Variants in TRNAU1AP observed in about 807,000 individuals in gnomAD.
TRNAU1AP encodes tRNA selenocysteine 1-associated protein 1.
In TRNAU1AP, 33 loss-of-function variants were observed where a neutral mutation model predicts 43.3. The observed-to-expected ratio is 0.76, with a 90% CI of 0.58 to 1.02. The LOEUF is 1.02. TRNAU1AP is among the 50% of genes least tolerant of loss of function. The probability of loss-of-function intolerance (pLI) is 0.00; values close to 1 mark genes in which losing one functional copy is unlikely to be tolerated. For synonymous variants in TRNAU1AP, 143 were observed against 129.1 expected, an observed-to-expected ratio of 1.11 and a Z score of -0.73; for missense variants, 290 against 362.7, an observed-to-expected ratio of 0.80 and a Z score of 1.63.
chr1:28,564,114 A>G (rs563326473), intron 4 of TRNAU1AP, among the ~76,000 whole-genome samples: 6 of 152,136 alleles, frequency 3.9e-5, no homozygotes, highest in African/African-American at 1.4e-4. Flanking sequence ...AAAATACAAA[A>G]GATTAGCTGG....
chr1:28,566,558 C>A (rs1665543487), intron 5 of TRNAU1AP, among the ~76,000 whole-genome samples: 1 of 151,876 alleles, frequency 6.6e-6, no homozygotes, highest in Admixed American at 6.6e-5. Context: ...CGAGACCATC[C>A]TGGCTAACAC....
At chr1:28,553,238 G>A (rs1665174964) in intron 1 of TRNAU1AP, 101 bp downstream of exon 1, 1 of 1,281,022 alleles carries the variant, frequency 7.8e-7, no homozygotes, top group South Asian at 1.6e-5. Context: ...TCCCAGAAAG[G>A]GGAGACGTGT....
At chr1:28,561,297 T>C in intron 3 of TRNAU1AP, 49 bp from the exon 4 acceptor site, 2 of 1,612,086 alleles carry the variant, frequency 1.2e-6, no homozygotes, top group Non-Finnish European at 1.7e-6. Context: ...ATTGTTCAAC[T>C]CTTGAAACAC....
intron 6 of TRNAU1AP, among the ~76,000 whole-genome samples, chr1:28,570,403 A>C (rs1665639372): frequency 6.6e-6 from 1 of 151,678 alleles, no homozygotes; most frequent in South Asian, 2.1e-4. Context: ...GCGCCATCCC[A>C]CCCAGCTAAT....
chr1:28,570,808 G>A (rs1004428502), intron 6 of TRNAU1AP, among the ~76,000 whole-genome samples: 6 of 152,076 alleles, frequency 3.9e-5, no homozygotes, highest in African/African-American at 9.7e-5. Context: ...ATTGGTGGCC[G>A]GGCTCCCAGC....
Position 28,563,890 on chromosome 1 carries a change from C to T in TRNAU1AP, c.279-813C>T, listed in dbSNP as rs564063631. Among the ~76,000 whole-genome samples, 10 of 151,846 alleles carry T rather than the reference C, an allele frequency of 6.6e-5. No individual in the cohort carries two copies. In the South Asian group the frequency reaches 8.3e-4, roughly 13 times the overall value. On this transcript the variant is annotated intron_variant, in intron 4 of 8. Transcript: ENST00000373830. ...AAAAAATAACAAAGGTTTGTGTGTT[C>T]GTTTATTTTTTTAATAGAATTGACC...
intron 5 of TRNAU1AP, among the ~76,000 whole-genome samples, chr1:28,566,302 G>A (rs1178683804): frequency 7.0e-5 from 10 of 142,310 alleles, no homozygotes; most frequent in African/African-American, 2.4e-4. Context: ...GAGACACAGC[G>A]AGACTCCATC....
Position 28,578,523 on chromosome 1 carries a change from A to G in TRNAU1AP, c.*887A>G, listed in dbSNP as rs1665870934. 3.1e-5 allele frequency: 10 copies of G among 320,878 alleles called. No individual in the cohort carries two copies. The Admixed American group carries it at 4.7e-4, about 15-fold the overall frequency. 19.9% of individuals were successfully genotyped at this position (320,878 alleles called of 1,614,324 possible). ...AGACCAGTTCGGTCTCTACAAAAAA[A>G]TACAAACACAAATATACTTTTATTA... On this transcript the variant is annotated 3_prime_UTR_variant, in exon 9 of 9. Coordinates refer to ENST00000373830, the MANE Select transcript of TRNAU1AP (RefSeq NM_017846.5).
At position 28,577,508 on chromosome 1, in the gene TRNAU1AP, C is replaced by CCA; in HGVS notation, c.739_740dup (p.Gln247HisfsTer5). 6.2e-7 allele frequency: 1 copy of CCA among 1,613,912 alleles called. No homozygotes were observed. Among genetic ancestry groups the CCA allele is most frequent in the Non-Finnish European group, 8.5e-7 (1 of 1,179,912 alleles). On this transcript the variant is annotated frameshift_variant, in exon 9 of 9. Coordinates refer to ENST00000373830, the MANE Select transcript of TRNAU1AP (RefSeq NM_017846.5). LOFTEE classifies it high-confidence loss of function. Reference sequence around the variant, plus strand: ...CCTTGCTTGCTTTCCAGACCCCATGCCACAGCTGGATGTGACTGAGGCCAA... The same window carrying CCA: ...CCTTGCTTGCTTTCCAGACCCCATGCCACACAGCTGGATGTGACTGAGGCCAA...
Position 28,578,269 on chromosome 1 carries a change from A to G in TRNAU1AP, c.*633A>G, listed in dbSNP as rs1298048202. ...TGACACGGGAGAAGGCAGCTCAGAA[A>G]GGATTAAGGAAGATAGCTCAAAGCC... On this transcript the variant is annotated 3_prime_UTR_variant, in exon 9 of 9. Transcript: ENST00000373830. 1 of 160,506 alleles carries G rather than the reference A, an allele frequency of 6.2e-6. No individual in the cohort carries two copies. The highest frequency in any genetic ancestry group is 2.4e-5 in the African/African-American group (1 of 41,490). 9.9% of individuals were successfully genotyped at this position (160,506 alleles called of 1,614,324 possible).
chr1:28,561,304 A>G, intron 3 of TRNAU1AP, 42 bp from the exon 4 acceptor site: 1 of 1,613,168 alleles, frequency 6.2e-7, no homozygotes, highest in Non-Finnish European at 8.5e-7. Flanking sequence ...AACTCTTGAA[A>G]CACCTTTCTC....
intron 2 of TRNAU1AP, among the ~76,000 whole-genome samples, chr1:28,556,583 C>G (rs1299874515): frequency 6.6e-6 from 1 of 150,470 alleles, no homozygotes; most frequent in Non-Finnish European, 1.5e-5. Context: ...ACCATCTTGG[C>G]TCACTGCAAC....
chr1:28,567,516 A>G lies in TRNAU1AP; in HGVS notation c.530+103A>G, dbSNP rs547791962. On this transcript the variant is annotated intron_variant, in intron 6 of 8. Coordinates refer to ENST00000373830, the MANE Select transcript of TRNAU1AP (RefSeq NM_017846.5). Reference sequence around the variant, plus strand: ...ATCCATACGCTGGATGGGAGGCTGAAGGGGATCCAATTCAAGTCACAAGTA... The same window carrying G: ...ATCCATACGCTGGATGGGAGGCTGAGGGGGATCCAATTCAAGTCACAAGTA... 2.9e-6 allele frequency: 4 copies of G among 1,360,896 alleles called. No individual in the cohort carries two copies. The South Asian group carries it at 6.1e-5, about 21-fold the overall frequency. The allele number at this position is 1,360,896 out of a possible 1,614,324, so 84.3% of individuals were successfully genotyped here.
intron 7 of TRNAU1AP, 81 bp from the exon 8 acceptor site, chr1:28,571,786 A>AAAAAATAAAAT: frequency 3.0e-6 from 3 of 1,008,338 alleles, no homozygotes; most frequent in Non-Finnish European, 4.4e-6. Context: ...CCACCTCAAA[A>AAAAAATAAAAT]AAAATAAAAA....
Position 28,577,540 on chromosome 1 carries a change from G to A in TRNAU1AP, c.768G>A (p.Glu256=). The A allele has an allele frequency of 6.2e-7, 1 of 1,614,100 alleles. No homozygotes were observed. Among genetic ancestry groups the A allele is most frequent in the South Asian group, 1.1e-5 (1 of 91,076 alleles). ...PQLDVTEANK[E]FMEQSEELYD... is the part of the protein sequence containing the mutation. ...TGGATGTGACTGAGGCCAACAAGGA[G>A]TTCATGGAACAGAGTGAGGAGCTGT... The change falls in exon 9 of 9, where the codon GAG becomes GAA. Residue 256 remains glutamate, a synonymous_variant. Coordinates refer to ENST00000373830, the MANE Select transcript of TRNAU1AP (RefSeq NM_017846.5).
chr1:28,556,630 G>T (rs1162593895), intron 2 of TRNAU1AP, among the ~76,000 whole-genome samples: 1 of 150,758 alleles, frequency 6.6e-6, no homozygotes, highest in East Asian at 2.0e-4. Context: ...TCCTCTCTCA[G>T]ACTCCTGAGT....
intron 8 of TRNAU1AP, 92 bp from the exon 9 acceptor site, chr1:28,577,408 C>A: frequency 2.1e-6 from 3 of 1,438,970 alleles, no homozygotes; most frequent in Non-Finnish European, 9.5e-7. Context: ...AGGGACCTTA[C>A]CATAGAACAG....
At chr1:28,564,914 C>T in intron 5 of TRNAU1AP, 80 bp downstream of exon 5, 1 of 1,562,064 alleles carries the variant, frequency 6.4e-7, no homozygotes, top group Admixed American at 1.8e-5. Context: ...TTAGAAAGGC[C>T]CTGCAGCATG....
intron 8 of TRNAU1AP, chr1:28,574,833 AG>A (rs1292900933): frequency 3.9e-5 from 6 of 152,218 alleles, no homozygotes; most frequent in African/African-American, 1.2e-4. Context: ...GATCCCTTTT[AG>A]GGCATGAACA....
Sources: gnomAD v4.1 joint callset for allele counts (sites outside exome capture counted in the v4.1 genomes callset) on GRCh38, gnomAD v4.1.1 for gene constraint, MANE v1.5 for transcripts, NCBI Gene and HGNC (gene_info 2026-07-23, HGNC 2026-07-21) for gene names.